SNRPG: variants seen among roughly 807,000 people sequenced by gnomAD.
SNRPG encodes small nuclear ribonucleoprotein G.
In SNRPG, 3 loss-of-function variants were observed where a neutral mutation model predicts 13.9. The observed-to-expected ratio is 0.22, with a 90% CI of 0.10 to 0.56. SNRPG has a LOEUF of 0.56. SNRPG is among the 20% of genes least tolerant of loss of function. The pLI, the probability that SNRPG is intolerant of heterozygous loss-of-function variation, is 0.93. For missense variants in SNRPG, 34 were observed against 96.1 expected (o/e 0.35, Z 2.70); for synonymous variants, 29 against 29.3 (o/e 0.99, Z 0.03).
At chr2:70,282,864 CG>C (rs1696830503) in intron 3 of SNRPG, among the ~76,000 whole-genome samples, 2 of 151,938 alleles carry the variant, frequency 1.3e-5, no homozygotes, top group African/African-American at 4.8e-5. Context: ...GAGGCCAAGG[CG>C]GGTGGATCAC....
chr2:70,284,228 A>G (rs1204490679), intron 3 of SNRPG, among the ~76,000 whole-genome samples: 1 of 152,140 alleles, frequency 6.6e-6, no homozygotes, highest in Non-Finnish European at 1.5e-5. Flanking sequence ...ATTCACATGC[A>G]CAATCACTGC....
rs571259386 is a variant in SNRPG, at chr2:70,285,562, ACT to A, written c.180+2504_180+2505del. 8.6e-5 allele frequency among the ~76,000 whole-genome samples: 13 copies of A among 151,966 alleles called. No homozygotes were observed. The South Asian group carries it at 1.0e-3, about 12-fold the overall frequency. ...ACTCCAGCCTCGGTGACACAGTGAGACTCTGTCATACACACGCGCGTGCACAC... is the reference window on the plus strand; with the variant it reads ...ACTCCAGCCTCGGTGACACAGTGAGACTGTCATACACACGCGCGTGCACAC... On this transcript the variant is annotated intron_variant, in intron 3 of 3. Coordinates refer to ENST00000272348, the MANE Select transcript of SNRPG (RefSeq NM_003096.4).
At chr2:70,286,975 A>T (rs375002251) in intron 3 of SNRPG, among the ~76,000 whole-genome samples, 70 of 152,338 alleles carry the variant, frequency 4.6e-4, no homozygotes, top group African/African-American at 1.7e-3. Context: ...TATTCAACAG[A>T]AGCTCACAAG....
chr2:70,287,165 T>C, intron 3 of SNRPG: 1 of 594,918 alleles, frequency 1.7e-6, no homozygotes. Flanking sequence ...GTAAAAAAAT[T>C]AAACAGGCAG....
intron 1 of SNRPG, among the ~76,000 whole-genome samples, chr2:70,292,010 C>T (rs1350433185): frequency 6.7e-6 from 1 of 149,014 alleles, no homozygotes; most frequent in East Asian, 2.0e-4. Context: ...TGCAGTGGCG[C>T]GATCTCGGCT....
Position 70,293,719 on chromosome 2 carries a change from G to T in SNRPG, c.-70C>A. On this transcript the variant is annotated 5_prime_UTR_variant, in exon 1 of 4. Transcript: ENST00000272348. ...CGGCTTTCCTCACGCTCCCGCTGTA[G>T]GCCCGGCGTCTTGCGTCTGGCGTCA... 1 of 1,465,292 alleles carries T rather than the reference G, an allele frequency of 6.8e-7. No individual in the cohort carries two copies. Among genetic ancestry groups the T allele is most frequent in the African/African-American group, 1.4e-5 (1 of 72,198 alleles). 90.8% of individuals were successfully genotyped at this position (1,465,292 alleles called of 1,614,324 possible).
At chr2:70,285,176 G>C (rs572868913) in intron 3 of SNRPG, among the ~76,000 whole-genome samples, 1 of 152,300 alleles carries the variant, frequency 6.6e-6, no homozygotes, top group East Asian at 1.9e-4. Context: ...TAAGTGAAAA[G>C]GTACAAGTTC....
chr2:70,293,307 CA>C, intron 1 of SNRPG: 1 of 670,272 alleles, frequency 1.5e-6, no homozygotes, highest in South Asian at 1.6e-5. Flanking sequence ...AGATGTTCAA[CA>C]AAAGGTAGCA....
chr2:70,288,218 TA>T (rs1178167419), intron 2 of SNRPG, 26 bp from the exon 3 acceptor site: 2 of 1,599,036 alleles, frequency 1.3e-6, no homozygotes, highest in Non-Finnish European at 1.7e-6. Flanking sequence ...AAAGAAGTTT[TA>T]GAAAAACATT....
chr2:70,293,475 C>T, intron 1 of SNRPG, 143 bp downstream of exon 1: 1 of 809,212 alleles, frequency 1.2e-6, no homozygotes, highest in African/African-American at 1.7e-5. Flanking sequence ...TGCGCGGGAG[C>T]CTGGCCGGGA....
chr2:70,293,317 C>T, intron 1 of SNRPG: 1 of 657,446 alleles, frequency 1.5e-6, no homozygotes. Context: ...CAAAAGGTAG[C>T]ACTGGAGATC....
At chr2:70,282,089 T>C (rs986142268) in intron 3 of SNRPG, among the ~76,000 whole-genome samples, 9 of 152,156 alleles carry the variant, frequency 5.9e-5, no homozygotes, top group South Asian at 2.1e-4. Context: ...CTAATTTTTA[T>C]ATTTTTGGTA....
At chr2:70,287,729 TAAG>T in intron 3 of SNRPG, 1 of 395,456 alleles carries the variant, frequency 2.5e-6, no homozygotes, top group Non-Finnish European at 4.5e-6. Context: ...ATCTTCATTT[TAAG>T]AAGATTCCCT....
At chr2:70,284,249 C>G (rs2104911748) in intron 3 of SNRPG, among the ~76,000 whole-genome samples, 1 of 152,302 alleles carries the variant, frequency 6.6e-6, no homozygotes, top group East Asian at 1.9e-4. Context: ...ACACTGCATC[C>G]TCGAACTCCT....
At chr2:70,289,278 C>A in intron 2 of SNRPG, 72 bp downstream of exon 2, 1 of 925,494 alleles carries the variant, frequency 1.1e-6, no homozygotes, top group South Asian at 1.5e-5. Context: ...AAAGTTGCTC[C>A]AAACATTGCT....
intron 3 of SNRPG, chr2:70,287,822 G>A (rs1240818936): frequency 5.7e-6 from 3 of 522,226 alleles, no homozygotes; most frequent in South Asian, 2.3e-5. Flanking sequence ...GCAGAATAAA[G>A]CTCAAAAAGG....
intron 2 of SNRPG, among the ~76,000 whole-genome samples, chr2:70,288,885 A>T (rs1697009440): frequency 6.6e-6 from 1 of 152,240 alleles, no homozygotes; most frequent in South Asian, 2.1e-4. Flanking sequence ...TTAGGTAAAT[A>T]AAATTGTCTA....
At chr2:70,293,283 CATG>C in intron 1 of SNRPG, 3 of 692,408 alleles carry the variant, frequency 4.3e-6, no homozygotes, top group Non-Finnish European at 7.9e-6. Context: ...CTATCTAGAA[CATG>C]ATACTATTCG....
chr2:70,293,129 C>G lies in SNRPG; in HGVS notation c.32+489G>C, dbSNP rs764468008. ...AAGGCAAGAAAAAGGAATGAGGTTT[C>G]TAAGTAAAAGCTCAAACACCTACAA... On this transcript the variant is annotated intron_variant, in intron 1 of 3. Coordinates refer to ENST00000272348, the MANE Select transcript of SNRPG (RefSeq NM_003096.4). The G allele has an allele frequency of 4.7e-5, 33 of 699,742 alleles. No homozygotes were observed. In the East Asian group the frequency reaches 8.6e-4, roughly 18 times the overall value. 43.3% of individuals were successfully genotyped at this position (699,742 alleles called of 1,614,324 possible). A position where few individuals can be genotyped will look rare whatever the true frequency, so the allele number is the denominator to read the frequency against.
Sources: allele counts gnomAD v4.1 joint callset (sites outside exome capture counted in the v4.1 genomes callset), GRCh38; gene constraint gnomAD v4.1.1; transcripts MANE v1.5; gene names NCBI Gene and HGNC (gene_info 2026-07-23, HGNC 2026-07-21).